The following MBD2 variants were observed in gnomAD, a reference collection of about 807,000 sequenced individuals.
MBD2 encodes methyl-CpG-binding domain protein 2.
In MBD2, 9 loss-of-function variants were observed where a neutral mutation model predicts 39.3. The ratio of observed to expected loss-of-function variants is 0.23; its 90% CI spans 0.14 to 0.40. MBD2 has a LOEUF of 0.40. Ranked by LOEUF, MBD2 falls within the 10% of genes least tolerant of loss-of-function variation. The pLI, the probability that MBD2 is intolerant of heterozygous loss-of-function variation, is 1.00. For synonymous variants in MBD2, 233 were observed against 211.1 expected, an observed-to-expected ratio of 1.10 and a Z score of -0.90; for missense variants, 458 against 532.6, an observed-to-expected ratio of 0.86 and a Z score of 1.38.
Position 54,205,175 on chromosome 18 carries a change from T to G in MBD2, c.543-18A>C. 1 of 1,608,830 alleles carries G rather than the reference T, an allele frequency of 6.2e-7. No individual in the cohort carries two copies. Among genetic ancestry groups the G allele is most frequent in the South Asian group, 1.1e-5 (1 of 89,948 alleles). ...CACTTGGACTAGAAGAAAGTAAGGT[T>G]AATTGAACAAAAGGCAACAATATTC... On this transcript the variant is annotated intron_variant, in intron 1 of 6. Transcript: ENST00000256429.
intron 6 of MBD2, among the ~76,000 whole-genome samples, chr18:54,157,859 C>T (rs1226601417): frequency 6.6e-6 from 1 of 152,188 alleles, no homozygotes; most frequent in Non-Finnish European, 1.5e-5. Context: ...CAGGCAGTCA[C>T]CTGGTCACGT....
chr18:54,212,669 T>C (rs1214276781), intron 1 of MBD2, among the ~76,000 whole-genome samples: 1 of 151,824 alleles, frequency 6.6e-6, no homozygotes, highest in Admixed American at 6.6e-5. Flanking sequence ...AGCTGAAGAT[T>C]TCCCCCCAAA....
At chr18:54,200,340 T>C (rs2086396570) in intron 2 of MBD2, among the ~76,000 whole-genome samples, 1 of 152,264 alleles carries the variant, frequency 6.6e-6, no homozygotes. Flanking sequence ...TTGAATTTTA[T>C]TAGTTTTGTA....
At chr18:54,189,051 T>A in intron 2 of MBD2, 40 bp from the exon 3 acceptor site, 1 of 1,359,298 alleles carries the variant, frequency 7.4e-7, no homozygotes, top group Non-Finnish European at 1.0e-6. Flanking sequence ...ATATTATATA[T>A]AAACACAATC....
At chr18:54,158,679 T>A (rs1036314189) in intron 6 of MBD2, among the ~76,000 whole-genome samples, 4 of 152,318 alleles carry the variant, frequency 2.6e-5, no homozygotes, top group African/African-American at 9.6e-5. Flanking sequence ...TGGAGTGTAG[T>A]GGCACAATCT....
intron 3 of MBD2, among the ~76,000 whole-genome samples, chr18:54,174,178 C>T (rs2086195640): frequency 6.6e-6 from 1 of 152,176 alleles, no homozygotes; most frequent in African/African-American, 2.4e-5. Flanking sequence ...TCAGTAGAAA[C>T]ACCCTAGTTG....
At chr18:54,192,767 T>C (rs2086330769) in intron 2 of MBD2, among the ~76,000 whole-genome samples, 1 of 152,160 alleles carries the variant, frequency 6.6e-6, no homozygotes, top group Non-Finnish European at 1.5e-5. Context: ...GTCAAACTAT[T>C]GATGCTACAC....
rs2086640548 is a variant in MBD2, at chr18:54,224,209, ACCGCTGCCGCCG to A, written c.339_350del (p.Ser116_Gly119del). On this transcript the variant is annotated inframe_deletion, in exon 1 of 7. Coordinates refer to ENST00000256429, the MANE Select transcript of MBD2 (RefSeq NM_003927.5). The stretch of plus-strand genomic sequence containing the variant: ...GCTCCCGCCGGGGGGCGCCGCCGCC[ACCGCTGCCGCCG>A]CCGCCGCAGCCGCCGCCGTCGCCGC... 6.9e-6 allele frequency: 8 copies of A among 1,160,790 alleles called. No homozygotes were observed. Among genetic ancestry groups the A allele is most frequent in the Non-Finnish European group, 8.5e-6 (8 of 945,634 alleles). 71.9% of individuals were successfully genotyped at this position (1,160,790 alleles called of 1,614,324 possible).
In MBD2 at chr18:54,159,792, A is replaced by T; in HGVS notation, c.1221T>A (p.Ser407Arg). Residue 407 changes from serine (S) to arginine (R), a missense_variant, in exon 6 of 7, where the codon AGT (serine) becomes AGA (arginine). Transcript: ENST00000256429. ...DTEEMDIEMDSGDEA is the reference protein window; with the variant it reads ...DTEEMDIEMDRGDEA ...GATCATATTCTTAGGCTTCATCTCCACTGTCCATTTCAATATCCATCTCTT... is the reference window on the plus strand; with the variant it reads ...GATCATATTCTTAGGCTTCATCTCCTCTGTCCATTTCAATATCCATCTCTT... 1.9e-6 allele frequency: 3 copies of T among 1,610,976 alleles called. No homozygotes were observed. The East Asian group carries it at 6.7e-5, about 36-fold the overall frequency.
intron 1 of MBD2, among the ~76,000 whole-genome samples, chr18:54,220,892 G>C (rs2086605969): frequency 6.6e-6 from 1 of 152,170 alleles, no homozygotes; most frequent in Non-Finnish European, 1.5e-5. Flanking sequence ...TAACGTTTCA[G>C]AAGAAAAACA....
intron 3 of MBD2, chr18:54,187,970 A>G: frequency 2.4e-6 from 1 of 409,642 alleles, no homozygotes; most frequent in Non-Finnish European, 3.3e-6. Context: ...AGGACTAGTG[A>G]AAAACAAAAT....
rs75763435 is a variant in MBD2, at chr18:54,161,467, A to T, written c.1110-1564T>A. Among the ~76,000 whole-genome samples the T allele has an allele frequency of 1.2e-4, 19 of 152,308 alleles. No individual in the cohort carries two copies. In the East Asian group the frequency reaches 3.1e-3, roughly 25 times the overall value. ...GTCTCACCTCTGGGTCAGTGACTCA[A>T]AGTTTATGACAAATGACATATTGGT... On this transcript the variant is annotated intron_variant, in intron 5 of 6. Coordinates refer to ENST00000256429, the MANE Select transcript of MBD2 (RefSeq NM_003927.5).
chr18:54,199,072 A>G lies in MBD2; in HGVS notation c.702+5926T>C, dbSNP rs111259728. On this transcript the variant is annotated intron_variant, in intron 2 of 6. Transcript: ENST00000256429. ...GGATTGGGACTAAGAGACAGGAGAG[A>G]GGGAGACATTTTTCACTGAATATCC... 5.1e-3 allele frequency among the ~76,000 whole-genome samples: 782 copies of G among 152,352 alleles called. 10 individuals carry two copies. Among genetic ancestry groups the G allele is most frequent in the African/African-American group, 0.016 (668 of 41,582 alleles).
chr18:54,174,495 G>T (rs1470941321), intron 3 of MBD2, among the ~76,000 whole-genome samples: 1 of 152,108 alleles, frequency 6.6e-6, no homozygotes, highest in African/African-American at 2.4e-5. Flanking sequence ...CTTGGAGGTG[G>T]GTGCCTCTTT....
At position 54,153,348 on chromosome 18, in the gene MBD2, A is replaced by T. The variant is rs993742814; in HGVS notation, c.*1976T>A. 1 of 152,056 alleles carries T rather than the reference A, an allele frequency of 6.6e-6. No homozygotes were observed. Among genetic ancestry groups the T allele is most frequent in the African/African-American group, 2.4e-5 (1 of 41,372 alleles). 9.4% of individuals were successfully genotyped at this position (152,056 alleles called of 1,614,324 possible). A position where few individuals can be genotyped will look rare whatever the true frequency, so the allele number is the denominator to read the frequency against. On this transcript the variant is annotated 3_prime_UTR_variant, in exon 7 of 7. Transcript: ENST00000256429. ...GGGACCAGGTGATGAAGTTTTGAAC[A>T]TGTTGTCTTGTGGGTATATTGGGAA...
chr18:54,152,847 A>G lies in MBD2; in HGVS notation c.*2477T>C, dbSNP rs1191931496. 6.6e-6 allele frequency: 1 copy of G among 152,224 alleles called. No individual in the cohort carries two copies. The highest frequency in any genetic ancestry group is 2.4e-5 in the African/African-American group (1 of 41,452). 9.4% of individuals were successfully genotyped at this position (152,224 alleles called of 1,614,324 possible). A position where few individuals can be genotyped will look rare whatever the true frequency, so the allele number is the denominator to read the frequency against. ...AGGTAGGTATTATTATTCCTATTTC[A>G]CTGAGGAGGGACAGGCTCAAAGAGA... On this transcript the variant is annotated 3_prime_UTR_variant, in exon 7 of 7. Transcript: ENST00000256429.
intron 1 of MBD2, among the ~76,000 whole-genome samples, chr18:54,216,778 G>A (rs1161644249): frequency 6.6e-6 from 1 of 152,070 alleles, no homozygotes; most frequent in Non-Finnish European, 1.5e-5. Flanking sequence ...CTTCAAAAGG[G>A]GATGATGGGC....
chr18:54,181,987 T>G (rs1730271), intron 3 of MBD2, among the ~76,000 whole-genome samples: 5,831 of 152,228 alleles, frequency 0.038, 362 homozygotes, highest in African/African-American at 0.13. Flanking sequence ...TCTTCTGGTG[T>G]TTTTTTCATT....
At position 54,223,971 on chromosome 18, in the gene MBD2, G is replaced by C. The variant is rs2086636574; in HGVS notation, c.542+47C>G. Reference sequence around the variant, plus strand: ...CTGCCCAGGCCCGCTCTTGACCCCTGACCCCGGCCTGACCCCGCCACCCCC... The same window carrying C: ...CTGCCCAGGCCCGCTCTTGACCCCTCACCCCGGCCTGACCCCGCCACCCCC... On this transcript the variant is annotated intron_variant, in intron 1 of 6. Transcript: ENST00000256429. 3 of 1,439,276 alleles carry C rather than the reference G, an allele frequency of 2.1e-6. No individual in the cohort carries two copies. The East Asian group carries it at 7.7e-5, about 37-fold the overall frequency. The allele number at this position is 1,439,276 out of a possible 1,614,324, so 89.2% of individuals were successfully genotyped here.
Sources: allele counts gnomAD v4.1 joint callset (sites outside exome capture counted in the v4.1 genomes callset), GRCh38; gene constraint gnomAD v4.1.1; transcripts MANE v1.5; gene names NCBI Gene and HGNC (gene_info 2026-07-23, HGNC 2026-07-21).